The following PRKCI variants were observed in gnomAD, a reference collection of about 807,000 sequenced individuals.
PRKCI encodes protein kinase C iota type.
Under a neutral mutation model 84.0 loss-of-function variants are expected in PRKCI, and 43 were observed. The ratio of observed to expected loss-of-function variants is 0.51; its 90% confidence interval spans 0.40 to 0.66. PRKCI has a LOEUF of 0.66. Among genes scored for constraint, PRKCI ranks in the 30% least tolerant of loss-of-function variants. The pLI is 0.00. For missense variants in PRKCI, 459 were observed against 745.6 expected, an observed-to-expected ratio of 0.62 and a Z score of 4.48; for synonymous variants, 216 against 234.4, an observed-to-expected ratio of 0.92 and a Z score of 0.72.
At chr3:170,288,177 C>T (rs1379731073) in intron 12 of PRKCI, among the ~76,000 whole-genome samples, 1 of 150,826 alleles carries the variant, frequency 6.6e-6, no homozygotes, top group African/African-American at 2.4e-5. Flanking sequence ...ACCCGGGAGG[C>T]GGAGCTTGCA....
chr3:170,232,654 A>G (rs1019700448), intron 1 of PRKCI, among the ~76,000 whole-genome samples: 11 of 151,674 alleles, frequency 7.3e-5, no homozygotes, highest in African/African-American at 2.4e-4. Context: ...GCAGCCTTGA[A>G]CTCCTGGGCT....
chr3:170,226,975 G>T (rs540498450), intron 1 of PRKCI, among the ~76,000 whole-genome samples: 178 of 152,334 alleles, frequency 1.2e-3, no homozygotes, highest in African/African-American at 4.2e-3. Flanking sequence ...AAATTGGTCA[G>T]CACTGGGAAC....
At chr3:170,253,619 G>A (rs9865594) in intron 2 of PRKCI, among the ~76,000 whole-genome samples, 32,823 of 151,866 alleles carry the variant, frequency 0.22, 3,913 homozygotes, top group African/African-American at 0.32. Context: ...GTGAAACCCC[G>A]TCTCTACTAA....
chr3:170,270,794 A>G (rs745532126), intron 6 of PRKCI, among the ~76,000 whole-genome samples: 2 of 152,088 alleles, frequency 1.3e-5, no homozygotes, highest in African/African-American at 4.8e-5. Context: ...ACCTGCTGTA[A>G]AATCCTCTGG....
intron 7 of PRKCI, among the ~76,000 whole-genome samples, chr3:170,273,555 C>G (rs574852272): frequency 6.6e-6 from 1 of 151,978 alleles, no homozygotes; most frequent in Non-Finnish European, 1.5e-5. Context: ...TGGTTCACAC[C>G]TGTAATCCCA....
chr3:170,246,671 A>G (rs530045507), intron 2 of PRKCI, among the ~76,000 whole-genome samples: 1 of 152,166 alleles, frequency 6.6e-6, no homozygotes, highest in Non-Finnish European at 1.5e-5. Flanking sequence ...TTAAATATAA[A>G]TAAGAAAATT....
chr3:170,287,146 G>A (rs1469704596), intron 12 of PRKCI, among the ~76,000 whole-genome samples: 2 of 151,740 alleles, frequency 1.3e-5, no homozygotes, highest in Non-Finnish European at 2.9e-5. Context: ...ACCAGCCTGG[G>A]CAACATGGCA....
chr3:170,236,704 G>T (rs1732984934), intron 2 of PRKCI, among the ~76,000 whole-genome samples: 1 of 151,744 alleles, frequency 6.6e-6, no homozygotes, highest in Non-Finnish European at 1.5e-5. Flanking sequence ...TCTACAAAAA[G>T]TTTTTAAAAC....
chr3:170,249,202 A>T (rs1356984016), intron 2 of PRKCI, among the ~76,000 whole-genome samples: 1 of 152,136 alleles, frequency 6.6e-6, no homozygotes, highest in Non-Finnish European at 1.5e-5. Flanking sequence ...TAACTGCAGA[A>T]GTCACTTGAA....
At chr3:170,231,017 T>G (rs1434439725) in intron 1 of PRKCI, among the ~76,000 whole-genome samples, 1 of 150,122 alleles carries the variant, frequency 6.7e-6, no homozygotes, top group Non-Finnish European at 1.5e-5. Context: ...TGGAGCGCAG[T>G]GGCGTGATCT....
rs145502020 is a variant in PRKCI at position 170,241,970 on chromosome 3, G to A, written c.223+6619G>A. Among the ~76,000 whole-genome samples, 30 of 152,274 alleles carry A rather than the reference G, an allele frequency of 2.0e-4. 1 individual carries two copies. In the East Asian group the frequency reaches 4.6e-3, roughly 24 times the overall value. ...ACTAAAAGTACAAAATTAGCTGGGC[G>A]TGGTAGTGCATGCCTGTAATCCCAG... is the stretch of plus-strand genomic sequence containing the variant. On this transcript the variant is annotated intron_variant, in intron 2 of 17. Transcript: ENST00000295797.
intron 2 of PRKCI, among the ~76,000 whole-genome samples, chr3:170,241,687 G>C (rs776291515): frequency 1.3e-5 from 2 of 150,158 alleles, no homozygotes; most frequent in African/African-American, 5.1e-5. Context: ...CAGAGAGAGA[G>C]AGAGAAAAGG....
Position 170,282,819 on chromosome 3 carries a change from C to T in PRKCI, c.1067+851C>T, listed in dbSNP as rs116547153. ...TAATTATTGATGAATAAAATAATAT[C>T]GAATAGGCCAGGCGCAGTGGCTCAT... On this transcript the variant is annotated intron_variant, in intron 11 of 17. Coordinates refer to ENST00000295797, the MANE Select transcript of PRKCI (RefSeq NM_002740.6). 3.7e-3 allele frequency among the ~76,000 whole-genome samples: 564 copies of T among 151,166 alleles called. 8 individuals are homozygous for T. The highest frequency in any genetic ancestry group is 0.013 in the African/African-American group (543 of 41,248).
intron 16 of PRKCI, 151 bp from the exon 17 acceptor site, chr3:170,298,844 A>G (rs917487519): frequency 1.7e-6 from 1 of 582,950 alleles, no homozygotes; most frequent in Non-Finnish European, 3.0e-6. Flanking sequence ...CCCAGCTCAT[A>G]TTTGTAAATT....
intron 2 of PRKCI, among the ~76,000 whole-genome samples, chr3:170,235,566 C>CTTTTTTTTTTTTT (rs199938459): frequency 7.5e-4 from 102 of 136,224 alleles, no homozygotes; most frequent in East Asian, 2.0e-3. Flanking sequence ...ATTAACTTGA[C>CTTTTTTTTTTTTT]TTTTTTTTTT....
chr3:170,227,603 C>T (rs900640042), intron 1 of PRKCI, among the ~76,000 whole-genome samples: 2 of 152,208 alleles, frequency 1.3e-5, no homozygotes, highest in South Asian at 2.1e-4. Flanking sequence ...GGTAAGTTTG[C>T]AGAATTAAGA....
At chr3:170,263,515 C>T in intron 4 of PRKCI, 86 bp downstream of exon 4, 1 of 1,229,952 alleles carries the variant, frequency 8.1e-7, no homozygotes, top group Non-Finnish European at 1.2e-6. Flanking sequence ...GAATTTTTAG[C>T]TAGGTGCAGT....
intron 4 of PRKCI, among the ~76,000 whole-genome samples, chr3:170,263,809 A>T (rs1733792473): frequency 6.6e-6 from 1 of 152,154 alleles, no homozygotes; most frequent in Non-Finnish European, 1.5e-5. Flanking sequence ...AGGGGAAAAA[A>T]AAAAAGGAAA....
intron 12 of PRKCI, among the ~76,000 whole-genome samples, chr3:170,287,680 C>A (rs1734428551): frequency 6.6e-6 from 1 of 151,500 alleles, no homozygotes; most frequent in South Asian, 2.1e-4. Context: ...GGAGGCCCGG[C>A]AGGCAGATCA....
Sources: gnomAD v4.1 joint callset for allele counts (sites outside exome capture counted in the v4.1 genomes callset) on GRCh38, gnomAD v4.1.1 for gene constraint, MANE v1.5 for transcripts, NCBI Gene and HGNC (gene_info 2026-07-23, HGNC 2026-07-21) for gene names.